Variants in SPATA31C1 observed in about 807,000 individuals in gnomAD.
SPATA31C1 encodes spermatogenesis-associated protein 31C1.
intron 1 of SPATA31C1, among the ~76,000 whole-genome samples, chr9:87,916,805 G>A (rs1828734621): frequency 1.2e-5 from 1 of 84,728 alleles, no homozygotes; most frequent in African/African-American, 2.6e-5. Flanking sequence ...AGACCATCCT[G>A]GCTAACACGG....
At chr9:87,916,023 A>G (rs1828708536) in intron 1 of SPATA31C1, among the ~76,000 whole-genome samples, 1 of 142,526 alleles carries the variant, frequency 7.0e-6, no homozygotes, top group Non-Finnish European at 1.6e-5. Flanking sequence ...CAGTTTCCAT[A>G]TATTCAGGTT....
At chr9:87,921,566 A>C (rs369804899) in exon 5 of SPATA31C1, 11 of 1,609,808 alleles carry the variant, frequency 6.8e-6, no homozygotes, top group South Asian at 5.5e-5. Flanking sequence ...CTGAGGAGTC[A>C]GAAAGGAACC....
exon 5 of SPATA31C1, chr9:87,920,865 A>C (rs1828839901): frequency 6.2e-7 from 1 of 1,613,396 alleles, no homozygotes; most frequent in South Asian, 1.1e-5. Flanking sequence ...CCAAAGGGAC[A>C]CCACAATGTC....
At chr9:87,921,099 C>G in exon 5 of SPATA31C1, 1 of 1,611,598 alleles carries the variant, frequency 6.2e-7, no homozygotes, top group Non-Finnish European at 8.5e-7. Context: ...TCTCTCCTTA[C>G]CTGAAACTCA....
At chr9:87,919,144 A>G (rs1264954286) in intron 2 of SPATA31C1, 111 bp from the exon 2 acceptor site, 12 of 1,497,664 alleles carry the variant, frequency 8.0e-6, no homozygotes, top group Non-Finnish European at 1.1e-5. Flanking sequence ...AAGCACACAG[A>G]GCTCCCTGAG....
At chr9:87,920,723 G>A (rs765030527) in exon 5 of SPATA31C1, 4 of 1,613,868 alleles carry the variant, frequency 2.5e-6, no homozygotes, top group Non-Finnish European at 3.4e-6. Flanking sequence ...GTGAGGATTT[G>A]GCGGCTTCTG....
intron 2 of SPATA31C1, 59 bp from the exon 2 acceptor site, chr9:87,919,196 G>T (rs965666333): frequency 1.9e-6 from 3 of 1,595,004 alleles, no homozygotes; most frequent in South Asian, 2.2e-5. Flanking sequence ...GCAGCGTGCT[G>T]CGGCTGGGGG....
exon 5 of SPATA31C1, chr9:87,920,882 G>A: frequency 6.2e-7 from 1 of 1,613,332 alleles, no homozygotes; most frequent in Non-Finnish European, 8.5e-7. Context: ...TGTCCCCACT[G>A]CTTTTCCAGG....
At chr9:87,916,251 C>CAAAAA (rs756907084) in intron 1 of SPATA31C1, among the ~76,000 whole-genome samples, 1 of 78,012 alleles carries the variant, frequency 1.3e-5, no homozygotes, top group African/African-American at 4.1e-5. Flanking sequence ...GACTCCATCT[C>CAAAAA]AAAAAAAAAA....
intron 2 of SPATA31C1, 125 bp from the exon 2 acceptor site, chr9:87,919,130 G>A (rs1828776076): frequency 7.1e-7 from 1 of 1,415,976 alleles, no homozygotes; most frequent in Non-Finnish European, 9.7e-7. Context: ...AGTGGGAGGG[G>A]AGAAAGCACA....
intron 1 of SPATA31C1, among the ~76,000 whole-genome samples, chr9:87,915,657 T>C (rs1048158078): frequency 4.9e-5 from 7 of 144,168 alleles, no homozygotes; most frequent in Admixed American, 1.4e-4. Flanking sequence ...GTTTTGTCTA[T>C]GGTATCTAAC....
exon 5 of SPATA31C1, chr9:87,921,997 A>G (rs1314963220): frequency 3.7e-6 from 6 of 1,613,580 alleles, no homozygotes; most frequent in Non-Finnish European, 5.1e-6. Flanking sequence ...CCCTCCTCAG[A>G]CACCTGCGAA....
chr9:87,919,297 A>C, exon 3 of SPATA31C1: 1 of 1,318,198 alleles, frequency 7.6e-7, no homozygotes, highest in Non-Finnish European at 9.6e-7. Context: ...CCAGTGTCCA[A>C]CAGGGCGGAG....
At chr9:87,916,219 G>A (rs1179840581) in intron 1 of SPATA31C1, among the ~76,000 whole-genome samples, 1 of 136,856 alleles carries the variant, frequency 7.3e-6, no homozygotes. Context: ...ACCAATGGTG[G>A]TCAGATATGA....
chr9:87,920,048 G>T (rs1828810233), intron 4 of SPATA31C1, 72 bp downstream of exon 3: 1 of 1,608,482 alleles, frequency 6.2e-7, no homozygotes, highest in Non-Finnish European at 8.5e-7. Flanking sequence ...CAGGCAGCCT[G>T]GAGCTGACCT....
chr9:87,923,058 G>A (rs546507988), exon 5 of SPATA31C1: 183 of 1,600,296 alleles, frequency 1.1e-4, no homozygotes, highest in Middle Eastern at 6.7e-4. Context: ...CAGATCATGC[G>A]TGTACGGCAG....
At chr9:87,915,629 G>A (rs1281163138) in intron 1 of SPATA31C1, among the ~76,000 whole-genome samples, 1 of 144,576 alleles carries the variant, frequency 6.9e-6, no homozygotes, top group African/African-American at 2.5e-5. Context: ...AAAGACATGA[G>A]GTTAGATTGA....
chr9:87,921,899 G>C (rs1828882830), exon 5 of SPATA31C1: 5 of 1,612,056 alleles, frequency 3.1e-6, no homozygotes, highest in Non-Finnish European at 4.2e-6. Context: ...CCAAACACAG[G>C]TGGGGTCTAC....
exon 5 of SPATA31C1, chr9:87,921,191 C>A (rs764281448): frequency 6.2e-7 from 1 of 1,611,922 alleles, no homozygotes; most frequent in Non-Finnish European, 8.5e-7. Flanking sequence ...CTCAGGACGT[C>A]TTTAGTGTCT....
Sources: allele counts gnomAD v4.1 joint callset (sites outside exome capture counted in the v4.1 genomes callset), GRCh38; gene constraint gnomAD v4.1.1; transcripts MANE v1.5; gene names NCBI Gene and HGNC (gene_info 2026-07-23, HGNC 2026-07-21).